Variants in MYO5C observed in about 807,000 individuals in gnomAD.
MYO5C encodes the protein myosin VC.
A neutral mutation model predicts 235.7 loss-of-function variants in MYO5C; 194 were observed. That is an observed-to-expected ratio of 0.82 (90% CI 0.73 to 0.93). The LOEUF is 0.93. Ranked by LOEUF, MYO5C falls within the 40% of genes least tolerant of loss-of-function variation. The probability of loss-of-function intolerance (pLI) is 0.00; values close to 1 mark genes in which losing one functional copy is unlikely to be tolerated. For missense variants in MYO5C, 2,038 were observed against 2,127.2 expected (o/e 0.96, Z 0.82); for synonymous variants, 707 against 754.8 (o/e 0.94, Z 1.04).
At chr15:52,261,238 G>T in intron 9 of MYO5C, 111 bp from the exon 10 acceptor site, 1 of 1,303,312 alleles carries the variant, frequency 7.7e-7, no homozygotes, top group Non-Finnish European at 1.0e-6. Context: ...GAGCTGAGTA[G>T]TAGCTGGCAC....
At chr15:52,246,668 G>A (rs75396623) in intron 16 of MYO5C, among the ~76,000 whole-genome samples, 1 of 152,074 alleles carries the variant, frequency 6.6e-6, no homozygotes, top group African/African-American at 2.4e-5. Context: ...CAAGTAAAAG[G>A]TTCAAGTTGC....
chr15:52,218,216 G>C (rs959807734), intron 32 of MYO5C, among the ~76,000 whole-genome samples: 5 of 152,168 alleles, frequency 3.3e-5, no homozygotes, highest in Non-Finnish European at 7.3e-5. Context: ...GCTATCCTCA[G>C]TGTGTTCCAG....
chr15:52,204,815 G>A, intron 38 of MYO5C, 50 bp downstream of exon 38: 1 of 1,589,088 alleles, frequency 6.3e-7, no homozygotes, highest in Non-Finnish European at 8.5e-7. Context: ...GACTTCAAGA[G>A]CATCCTTTCT....
At chr15:52,256,264 T>C (rs1396014190) in intron 11 of MYO5C, among the ~76,000 whole-genome samples, 2 of 151,542 alleles carry the variant, frequency 1.3e-5, no homozygotes, top group African/African-American at 4.9e-5. Flanking sequence ...GATAAAGCAA[T>C]GGGGAAATAA....
intron 38 of MYO5C, among the ~76,000 whole-genome samples, chr15:52,201,892 T>A (rs2035195397): frequency 1.6e-5 from 2 of 128,590 alleles, no homozygotes; most frequent in Non-Finnish European, 1.6e-5. Context: ...GAGCAACAAC[T>A]GAGAAAAAAG....
intron 32 of MYO5C, among the ~76,000 whole-genome samples, chr15:52,214,921 C>T (rs531576211): frequency 6.6e-6 from 1 of 152,290 alleles, no homozygotes; most frequent in South Asian, 2.1e-4. Flanking sequence ...GTGTCACTCT[C>T]TAGTTTCTCA....
At chr15:52,206,860 G>A (rs1387860017) in intron 36 of MYO5C, among the ~76,000 whole-genome samples, 6 of 152,232 alleles carry the variant, frequency 3.9e-5, no homozygotes, top group African/African-American at 1.4e-4. Context: ...AGGGCTGGGC[G>A]TGGTGGCTTA....
chr15:52,293,856 C>G (rs1033113355), intron 1 of MYO5C, among the ~76,000 whole-genome samples: 2 of 152,220 alleles, frequency 1.3e-5, no homozygotes, highest in Non-Finnish European at 2.9e-5. Flanking sequence ...CCACTCAAAA[C>G]CCACACTGGG....
chr15:52,208,668 A>G, intron 35 of MYO5C, 25 bp from the exon 36 acceptor site: 1 of 1,593,952 alleles, frequency 6.3e-7, no homozygotes, highest in African/African-American at 1.3e-5. Context: ...AAAAGACAAA[A>G]TTGGTCTTGA....
At chr15:52,284,040 A>T (rs1490429353) in intron 1 of MYO5C, among the ~76,000 whole-genome samples, 2 of 152,302 alleles carry the variant, frequency 1.3e-5, no homozygotes, top group East Asian at 3.9e-4. Flanking sequence ...TACAATATGC[A>T]TCTATTACTT....
At chr15:52,259,387 T>G (rs1483127182) in intron 10 of MYO5C, among the ~76,000 whole-genome samples, 1 of 135,714 alleles carries the variant, frequency 7.4e-6, no homozygotes, top group East Asian at 2.1e-4. Context: ...GCCACTGCAC[T>G]CCAGCCTGGG....
At chr15:52,274,311 C>T (rs1202797078) in intron 5 of MYO5C, among the ~76,000 whole-genome samples, 1 of 152,204 alleles carries the variant, frequency 6.6e-6, no homozygotes, top group Non-Finnish European at 1.5e-5. Flanking sequence ...TGGGGTCCTG[C>T]TCTGTCATCC....
intron 23 of MYO5C, among the ~76,000 whole-genome samples, chr15:52,232,940 T>C (rs2035998829): frequency 6.6e-6 from 1 of 152,232 alleles, no homozygotes; most frequent in African/African-American, 2.4e-5. Context: ...TGTTGGTCTG[T>C]TATTTATTAA....
At chr15:52,293,212 C>T (rs1264450598) in intron 1 of MYO5C, among the ~76,000 whole-genome samples, 25 of 152,172 alleles carry the variant, frequency 1.6e-4, no homozygotes, top group Admixed American at 1.6e-3. Flanking sequence ...TTCCCTGTTC[C>T]CACAGGGTGG....
intron 11 of MYO5C, 147 bp downstream of exon 11, chr15:52,256,492 C>T: frequency 1.7e-6 from 1 of 594,530 alleles, no homozygotes; most frequent in Admixed American, 3.1e-5. Context: ...CAAGGTGGTG[C>T]AGTGACCCAG....
intron 28 of MYO5C, among the ~76,000 whole-genome samples, chr15:52,224,610 T>G (rs1305415972): frequency 6.6e-6 from 1 of 152,264 alleles, no homozygotes; most frequent in Non-Finnish European, 1.5e-5. Context: ...AGCACATGCC[T>G]TAAATTTAAA....
chr15:52,257,159 C>T (rs1295404481), intron 10 of MYO5C, among the ~76,000 whole-genome samples: 1 of 152,224 alleles, frequency 6.6e-6, no homozygotes, highest in Non-Finnish European at 1.5e-5. Context: ...ATGTGGTTTC[C>T]TATTCTCTCC....
intron 26 of MYO5C, 26 bp from the exon 27 acceptor site, chr15:52,225,164 ATAT>A: frequency 6.2e-7 from 1 of 1,611,892 alleles, no homozygotes; most frequent in African/African-American, 1.3e-5. Flanking sequence ...AGAGTTGTAT[ATAT>A]TACATTTGTG....
rs373492725 is a variant in MYO5C, at chr15:52,285,616, G to A, written c.28-2724C>T. 2.6e-5 allele frequency among the ~76,000 whole-genome samples: 4 copies of A among 152,340 alleles called. No individual in the cohort carries two copies. The East Asian group carries it at 5.8e-4, about 22-fold the overall frequency. On this transcript the variant is annotated intron_variant, in intron 1 of 40. Transcript: ENST00000261839. ...CTCCTGCCTCAGCCTGCCGAGTGGCGCGCCGCCACGCCTGACTGGTTTTCA... is the reference window on the plus strand; with the variant it reads ...CTCCTGCCTCAGCCTGCCGAGTGGCACGCCGCCACGCCTGACTGGTTTTCA...
Sources: allele counts gnomAD v4.1 joint callset (sites outside exome capture counted in the v4.1 genomes callset), GRCh38; gene constraint gnomAD v4.1.1; transcripts MANE v1.5; gene names NCBI Gene and HGNC (gene_info 2026-07-23, HGNC 2026-07-21).